PTPRT: variants seen among roughly 807,000 people sequenced by gnomAD.
PTPRT encodes protein tyrosine phosphatase receptor type T.
Under a neutral mutation model 176.8 loss-of-function variants are expected in PTPRT, and 56 were observed. That is an observed-to-expected ratio of 0.32 (90% CI 0.26 to 0.40). The LOEUF is 0.40. Among genes scored for constraint, PTPRT ranks in the 10% least tolerant of loss-of-function variants. PTPRT has a pLI of 1.00. For missense variants in PTPRT, 1,540 were observed against 1,908.2 expected, an observed-to-expected ratio of 0.81 and a Z score of 3.60; for synonymous variants, 783 against 739.0, an observed-to-expected ratio of 1.06 and a Z score of -0.96.
rs1015088999 is a variant in PTPRT, at chr20:42,619,067, A to C, written c.1153+58799T>G. ...TCTTTACATTTTGGCATGATTTTGC[A>C]GCGGCTGGTACCGGTTGCTCCTTTC... On this transcript the variant is annotated intron_variant, in intron 7 of 30. Coordinates refer to ENST00000373187, the MANE Select transcript of PTPRT (RefSeq NM_007050.6). Among the ~76,000 whole-genome samples the C allele has an allele frequency of 1.1e-3, 172 of 151,234 alleles. 1 individual carries two copies. Among genetic ancestry groups the C allele is most frequent in the Non-Finnish European group, 2.2e-3 (152 of 67,822 alleles).
intron 2 of PTPRT, among the ~76,000 whole-genome samples, chr20:42,855,617 A>G (rs1226787174): frequency 6.6e-6 from 1 of 151,704 alleles, no homozygotes; most frequent in Non-Finnish European, 1.5e-5. Context: ...TTTTTAGTAG[A>G]GACATGGTTT....
intron 16 of PTPRT, among the ~76,000 whole-genome samples, chr20:42,171,132 C>T (rs1005013640): frequency 2.0e-5 from 3 of 152,120 alleles, no homozygotes; most frequent in Non-Finnish European, 4.4e-5. Context: ...TACAGAAAGG[C>T]ATTCCCTGAC....
intron 13 of PTPRT, among the ~76,000 whole-genome samples, chr20:42,255,860 G>T (rs532982675): frequency 6.6e-6 from 1 of 152,168 alleles, no homozygotes; most frequent in Non-Finnish European, 1.5e-5. Flanking sequence ...AAGCAACCCG[G>T]CTCTCAGGGA....
chr20:42,303,446 T>A (rs575688083), intron 12 of PTPRT, among the ~76,000 whole-genome samples: 1 of 152,144 alleles, frequency 6.6e-6, no homozygotes, highest in Non-Finnish European at 1.5e-5. Context: ...AGTGCACCCA[T>A]ATTCCTCTAT....
In PTPRT at chr20:43,061,087, AATGGATGG is replaced by A. The variant is rs3030304; in HGVS notation, c.88+128551_88+128558del. 6.4e-3 allele frequency among the ~76,000 whole-genome samples: 959 copies of A among 150,020 alleles called. 11 individuals are homozygous for A. Among genetic ancestry groups the A allele is most frequent in the African/African-American group, 0.021 (868 of 40,912 alleles). On this transcript the variant is annotated intron_variant, in intron 1 of 30. Transcript: ENST00000373187. ...GGGTGAGTGGATGGGCGGATAAATG[AATGGATGG>A]ATGGATGGATGGATGGATGGATGGA...
chr20:42,356,805 C>T (rs1025076845), intron 9 of PTPRT, among the ~76,000 whole-genome samples: 8 of 152,114 alleles, frequency 5.3e-5, no homozygotes, highest in African/African-American at 1.4e-4. Flanking sequence ...CAGCTCAGTG[C>T]GTGAGCTGGC....
intron 19 of PTPRT, 111 bp downstream of exon 19, chr20:42,128,643 G>A (rs1987973655): frequency 1.1e-6 from 1 of 880,988 alleles, no homozygotes; most frequent in Non-Finnish European, 1.7e-6. Flanking sequence ...ATATCAAGGA[G>A]GATCCAGACT....
rs1346784907 is a variant in PTPRT at position 42,184,549 on chromosome 20, CTTCTTCTTCTTA to C, written c.2491+14679_2491+14690del. Among the ~76,000 whole-genome samples the C allele has an allele frequency of 1.2e-3, 134 of 111,234 alleles. 3 individuals are homozygous for C. Among genetic ancestry groups the C allele is most frequent in the African/African-American group, 3.6e-3 (95 of 26,648 alleles). The allele number at this position is 111,234 out of a possible 152,430, so 73.0% of individuals were successfully genotyped here. ...TCTTCTTCTTCCTCTTCCTCTTCTT[CTTCTTCTTCTTA>C]TTCTTCTTCTTCTTCTTCTTCTTCT... is the stretch of plus-strand genomic sequence containing the variant. On this transcript the variant is annotated intron_variant, in intron 16 of 30. Coordinates refer to ENST00000373187, the MANE Select transcript of PTPRT (RefSeq NM_007050.6).
intron 7 of PTPRT, among the ~76,000 whole-genome samples, chr20:42,654,042 G>A (rs2075079067): frequency 6.6e-6 from 1 of 152,156 alleles, no homozygotes; most frequent in African/African-American, 2.4e-5. Context: ...CAGAAAGGGA[G>A]CAGGACAGGA....
chr20:42,108,363 A>C (rs755270803), intron 23 of PTPRT, among the ~76,000 whole-genome samples: 5 of 152,148 alleles, frequency 3.3e-5, no homozygotes, highest in Non-Finnish European at 7.3e-5. Context: ...CAAATGACTT[A>C]ACCTCTCTGG....
chr20:42,535,852 A>G (rs983918898), intron 7 of PTPRT, among the ~76,000 whole-genome samples: 7 of 152,258 alleles, frequency 4.6e-5, no homozygotes, highest in African/African-American at 1.7e-4. Flanking sequence ...AGCCTATTCC[A>G]TGGCCATTGG....
intron 13 of PTPRT, 136 bp downstream of exon 13, chr20:42,282,353 T>C (rs2057154083): frequency 2.4e-6 from 2 of 848,228 alleles, no homozygotes; most frequent in East Asian, 2.7e-5. Context: ...ATGTTCTAGA[T>C]GCAAATGACT....
chr20:42,986,819 C>T (rs1337247572), intron 1 of PTPRT, among the ~76,000 whole-genome samples: 2 of 152,170 alleles, frequency 1.3e-5, no homozygotes, highest in Non-Finnish European at 2.9e-5. Flanking sequence ...GTGAAGACAC[C>T]GAACCACACC....
At chr20:42,542,584 C>T (rs1007592468) in intron 7 of PTPRT, among the ~76,000 whole-genome samples, 3 of 152,136 alleles carry the variant, frequency 2.0e-5, no homozygotes, top group African/African-American at 4.8e-5. Flanking sequence ...AGACGTGACA[C>T]AATCTATGTA....
chr20:42,672,592 C>G (rs766754777), intron 7 of PTPRT, among the ~76,000 whole-genome samples: 1 of 152,192 alleles, frequency 6.6e-6, no homozygotes, highest in Non-Finnish European at 1.5e-5. Flanking sequence ...CCACATCCCT[C>G]GATTCCTATC....
chr20:42,903,470 G>T (rs1184226023), intron 1 of PTPRT, among the ~76,000 whole-genome samples: 2 of 152,178 alleles, frequency 1.3e-5, no homozygotes, highest in African/African-American at 4.8e-5. Context: ...AAAGACTAGG[G>T]TTCCATACAG....
At chr20:42,963,156 A>G (rs1982100285) in intron 1 of PTPRT, among the ~76,000 whole-genome samples, 1 of 152,042 alleles carries the variant, frequency 6.6e-6, no homozygotes, top group African/African-American at 2.4e-5. Flanking sequence ...CTTAGATCGC[A>G]CCACTGCGCT....
chr20:42,921,679 A>G (rs1979153828), intron 1 of PTPRT, among the ~76,000 whole-genome samples: 2 of 152,226 alleles, frequency 1.3e-5, no homozygotes, highest in African/African-American at 4.8e-5. Flanking sequence ...TCAGAACGAG[A>G]CAAAAGGGGA....
intron 3 of PTPRT, among the ~76,000 whole-genome samples, chr20:42,790,021 C>T (rs1320637424): frequency 6.6e-6 from 1 of 152,192 alleles, no homozygotes; most frequent in Admixed American, 6.5e-5. Context: ...CTGACTGCCT[C>T]ACCCTCTAAC....
Sources: gnomAD v4.1 joint callset for allele counts (sites outside exome capture counted in the v4.1 genomes callset) on GRCh38, gnomAD v4.1.1 for gene constraint, MANE v1.5 for transcripts, NCBI Gene and HGNC (gene_info 2026-07-23, HGNC 2026-07-21) for gene names.